Variants in CCDC7 observed in about 807,000 individuals in gnomAD.
CCDC7 encodes the protein coiled-coil domain-containing protein 7.
Under a neutral mutation model 196.9 loss-of-function variants are expected in CCDC7, and 183 were observed. That is an observed-to-expected ratio of 0.93 (90% confidence interval 0.82 to 1.05). The LOEUF (loss-of-function observed/expected upper bound fraction) is 1.05. Among genes scored for constraint, CCDC7 ranks in the 50% least tolerant of loss-of-function variants. The pLI is 0.00. For missense variants in CCDC7, 1,540 were observed against 1,482.2 expected (o/e 1.04, Z -0.64); for synonymous variants, 525 against 484.6 (o/e 1.08, Z -1.10).
At chr10:32,544,097 G>C in intron 12 of CCDC7, 150 bp from the exon 14 acceptor site, 1 of 550,382 alleles carries the variant, frequency 1.8e-6, no homozygotes, top group South Asian at 3.2e-5. Context: ...TTGTAATTTA[G>C]CCTGTATGAA....
chr10:32,667,813 G>T (rs3003969), intron 21 of CCDC7, among the ~76,000 whole-genome samples: 16 of 151,868 alleles, frequency 1.1e-4, no homozygotes, highest in African/African-American at 3.4e-4. Context: ...GATGCCTCCA[G>T]CTTTGTTCTT....
At chr10:32,806,645 C>A (rs1412183985) in intron 30 of CCDC7, among the ~76,000 whole-genome samples, 1 of 151,364 alleles carries the variant, frequency 6.6e-6, no homozygotes, top group Non-Finnish European at 1.5e-5. Flanking sequence ...TTTGAACTGT[C>A]CAAAGAAAGA....
upstream of CCDC7, among the ~76,000 whole-genome samples, chr10:32,447,700 G>T (rs2031753890): frequency 6.6e-6 from 1 of 152,008 alleles, no homozygotes; most frequent in South Asian, 2.1e-4. Context: ...TCAGAAGTTC[G>T]AGACCAGCTT....
chr10:32,550,445 TGAG>T (rs1308671627), intron 13 of CCDC7, among the ~76,000 whole-genome samples: 2 of 152,152 alleles, frequency 1.3e-5, no homozygotes, highest in African/African-American at 2.4e-5. Flanking sequence ...AATACTATGT[TGAG>T]GAGGAGTGGT....
intron 9 of CCDC7, among the ~76,000 whole-genome samples, chr10:32,507,810 A>G (rs1190487481): frequency 6.6e-6 from 1 of 152,224 alleles, no homozygotes; most frequent in Admixed American, 6.5e-5. Flanking sequence ...CAGAAACAGC[A>G]TTTCGCAGCA....
intron 9 of CCDC7, among the ~76,000 whole-genome samples, chr10:32,494,359 CTCTAT>C (rs2042585517): frequency 1.3e-5 from 2 of 149,398 alleles, no homozygotes; most frequent in Admixed American, 1.3e-4. Flanking sequence ...TTTCTGGGCT[CTCTAT>C]TCTGTTCCAT....
chr10:32,583,356 T>G, intron 17 of CCDC7, 49 bp downstream of exon 18: 2 of 1,115,482 alleles, frequency 1.8e-6, no homozygotes, highest in Non-Finnish European at 2.3e-6. Context: ...TATTGCTCCT[T>G]CAATAAATAA....
In CCDC7 at chr10:32,848,723, A is replaced by G. The variant is rs1234058971; in HGVS notation, c.3895+5A>G. 4.6e-6 allele frequency: 7 copies of G among 1,528,008 alleles called. No individual in the cohort carries two copies. In the African/African-American group the frequency reaches 5.4e-5, roughly 12 times the overall value. The allele number at this position is 1,528,008 out of a possible 1,614,324, so 94.7% of individuals were successfully genotyped here. A position where few individuals can be genotyped will look rare whatever the true frequency, so the allele number is the denominator to read the frequency against. ...TATCACCCTTTGAAAATAAAGGTAA[A>G]GAATTATGTATGTAGATATGAATTC... On this transcript the variant is annotated splice_donor_5th_base_variant and intron_variant, in intron 39 of 41. Coordinates refer to ENST00000639629, the Ensembl canonical transcript of CCDC7.
intron 11 of CCDC7, among the ~76,000 whole-genome samples, chr10:32,528,632 GTA>G (rs1257260199): frequency 7.8e-6 from 1 of 127,826 alleles, no homozygotes; most frequent in Non-Finnish European, 1.7e-5. Flanking sequence ...CATGGTATAT[GTA>G]TGTGTGTGTG....
chr10:32,695,852 A>ATAG (rs2077642070), intron 24 of CCDC7, among the ~76,000 whole-genome samples: 1 of 152,178 alleles, frequency 6.6e-6, no homozygotes, highest in African/African-American at 2.4e-5. Context: ...AGCCTCTGTG[A>ATAG]TAGTCATAGT....
intron 20 of CCDC7, among the ~76,000 whole-genome samples, chr10:32,653,274 C>T (rs2069114963): frequency 6.6e-6 from 1 of 152,074 alleles, no homozygotes; most frequent in Non-Finnish European, 1.5e-5. Flanking sequence ...TCAATGCTCC[C>T]TATGTGAGCA....
intron 13 of CCDC7, among the ~76,000 whole-genome samples, chr10:32,562,596 C>G (rs1179172167): frequency 6.6e-6 from 1 of 152,172 alleles, no homozygotes; most frequent in East Asian, 1.9e-4. Context: ...TGACAAAATT[C>G]AACAACGCTT....
At chr10:32,564,129 A>G (rs1365286297) in intron 13 of CCDC7, among the ~76,000 whole-genome samples, 3 of 152,210 alleles carry the variant, frequency 2.0e-5, no homozygotes, top group African/African-American at 4.8e-5. Flanking sequence ...TAGAATGGCA[A>G]TCATTAAGAA....
rs572953594 is a variant in CCDC7 at position 32,686,616 on chromosome 10, A to G, written c.2233+536A>G. On this transcript the variant is annotated intron_variant, in intron 22 of 41. Transcript: ENST00000639629. ...AATGATTGCAATCAGGATTCCATCA[A>G]GGGAACTGCCAGTAGCAGAATAGGT... Among the ~76,000 whole-genome samples, 3 of 152,352 alleles carry G rather than the reference A, an allele frequency of 2.0e-5. No homozygotes were observed. In the South Asian group the frequency reaches 6.2e-4, roughly 32 times the overall value.
intron 13 of CCDC7, among the ~76,000 whole-genome samples, chr10:32,559,041 A>G (rs997155821): frequency 2.0e-5 from 3 of 152,226 alleles, no homozygotes; most frequent in African/African-American, 7.2e-5. Flanking sequence ...GGAGGGTCGT[A>G]CGCCCACGGA....
At chr10:32,671,043 A>T (rs1199763050) in intron 21 of CCDC7, among the ~76,000 whole-genome samples, 2 of 152,200 alleles carry the variant, frequency 1.3e-5, no homozygotes, top group East Asian at 3.8e-4. Flanking sequence ...TTAAATAAAA[A>T]GTTACAGTAA....
chr10:32,866,781 T>G (rs1593615994), intron 41 of CCDC7, among the ~76,000 whole-genome samples: 2 of 151,732 alleles, frequency 1.3e-5, no homozygotes, highest in African/African-American at 4.8e-5. Flanking sequence ...GGTGAGTTTA[T>G]GGGAACTAAG....
chr10:32,738,342 A>T (rs1010074391), intron 28 of CCDC7, among the ~76,000 whole-genome samples: 2 of 152,098 alleles, frequency 1.3e-5, no homozygotes, highest in Non-Finnish European at 2.9e-5. Context: ...TTTGTCACTC[A>T]TAAGATTCCT....
intron 11 of CCDC7, among the ~76,000 whole-genome samples, chr10:32,535,813 G>T (rs79941587): frequency 6.6e-6 from 1 of 152,138 alleles, no homozygotes; most frequent in Non-Finnish European, 1.5e-5. Flanking sequence ...TGCAGATGCA[G>T]ATTTCCCTGG....
Sources: gnomAD v4.1 joint callset for allele counts (sites outside exome capture counted in the v4.1 genomes callset) on GRCh38, gnomAD v4.1.1 for gene constraint, MANE v1.5 for transcripts, NCBI Gene and HGNC (gene_info 2026-07-23, HGNC 2026-07-21) for gene names.